STK39: variants seen among roughly 807,000 people sequenced by gnomAD.
STK39 encodes the protein STE20/SPS1-related proline-alanine-rich protein kinase.
In STK39, 20 loss-of-function variants were observed where a neutral mutation model predicts 77.8. The observed-to-expected ratio is 0.26, with a 90% CI of 0.18 to 0.37. STK39 has a LOEUF of 0.37. Among genes scored for constraint, STK39 ranks in the 10% least tolerant of loss-of-function variants. The pLI is 1.00. For synonymous variants in STK39, 246 were observed against 234.1 expected (o/e 1.05, Z -0.47); for missense variants, 479 against 656.5 (o/e 0.73, Z 2.95).
chr2:168,154,027 C>G (rs1688361633), intron 5 of STK39, among the ~76,000 whole-genome samples: 1 of 152,150 alleles, frequency 6.6e-6, no homozygotes, highest in South Asian at 2.1e-4. Context: ...TTTTAGGAGA[C>G]CACCATAATA....
At chr2:168,209,456 C>CT (rs1689827462) in intron 1 of STK39, among the ~76,000 whole-genome samples, 1 of 151,898 alleles carries the variant, frequency 6.6e-6, no homozygotes, top group Admixed American at 6.6e-5. Context: ...GTGGGCAGAT[C>CT]CCCTGAGGTC....
At chr2:167,966,221 C>T (rs1470521349) in intron 16 of STK39, among the ~76,000 whole-genome samples, 1 of 152,176 alleles carries the variant, frequency 6.6e-6, no homozygotes, top group Admixed American at 6.5e-5. Flanking sequence ...GGCCTTTCAA[C>T]AGTTTTCTGA....
chr2:168,179,008 C>T (rs1208580080), intron 2 of STK39, among the ~76,000 whole-genome samples: 1 of 152,116 alleles, frequency 6.6e-6, no homozygotes, highest in Non-Finnish European at 1.5e-5. Context: ...GGAGGTGTTA[C>T]AGTTTCATCA....
chr2:168,087,699 G>C (rs1048317924), intron 10 of STK39, among the ~76,000 whole-genome samples: 2 of 152,168 alleles, frequency 1.3e-5, no homozygotes, highest in African/African-American at 4.8e-5. Flanking sequence ...TACTGGTTCT[G>C]TTTCTCCTGT....
chr2:168,069,672 C>T (rs988797483), intron 12 of STK39, among the ~76,000 whole-genome samples: 6 of 152,226 alleles, frequency 3.9e-5, no homozygotes, highest in Non-Finnish European at 8.8e-5. Context: ...GGGATTTGTG[C>T]AGTTTTCCTA....
At chr2:168,152,956 T>C (rs1311997118) in intron 5 of STK39, among the ~76,000 whole-genome samples, 2 of 152,240 alleles carry the variant, frequency 1.3e-5, no homozygotes, top group East Asian at 1.9e-4. Flanking sequence ...ATAGCCCATC[T>C]GTACATGTTA....
intron 1 of STK39, among the ~76,000 whole-genome samples, chr2:168,242,935 C>T (rs997575169): frequency 3.3e-5 from 5 of 150,084 alleles, no homozygotes; most frequent in South Asian, 4.2e-4. Flanking sequence ...TTTCTATATA[C>T]ATTTTTCTAT....
intron 5 of STK39, among the ~76,000 whole-genome samples, chr2:168,154,820 A>C (rs1195433152): frequency 1.3e-5 from 2 of 152,200 alleles, no homozygotes; most frequent in African/African-American, 4.8e-5. Context: ...ACCACTGAGG[A>C]TACACTGAAA....
chr2:168,044,561 T>C (rs748074290), intron 14 of STK39, among the ~76,000 whole-genome samples: 1 of 152,150 alleles, frequency 6.6e-6, no homozygotes, highest in Admixed American at 6.5e-5. Flanking sequence ...CCTCTAATAA[T>C]TATCTAAGAA....
chr2:168,138,317 A>T (rs1687890176), intron 7 of STK39, 96 bp from the exon 8 acceptor site: 1 of 1,454,774 alleles, frequency 6.9e-7, no homozygotes, highest in Non-Finnish European at 9.1e-7. Flanking sequence ...ACCATCCTTG[A>T]TTAGATACAA....
chr2:168,189,780 G>C (rs1208475172), intron 1 of STK39, among the ~76,000 whole-genome samples: 1 of 152,130 alleles, frequency 6.6e-6, no homozygotes, highest in African/African-American at 2.4e-5. Context: ...TTAGTCTCAA[G>C]AGCACTTACT....
intron 1 of STK39, among the ~76,000 whole-genome samples, chr2:168,209,568 TA>T (rs1429835491): frequency 2.0e-5 from 3 of 152,028 alleles, no homozygotes; most frequent in African/African-American, 7.2e-5. Context: ...CCCAGCTACT[TA>T]CTCGGTTGGC....
At chr2:168,182,224 T>C (rs1689098538) in intron 1 of STK39, 134 bp from the exon 2 acceptor site, 2 of 631,036 alleles carry the variant, frequency 3.2e-6, no homozygotes, top group Non-Finnish European at 2.7e-6. Flanking sequence ...TTTGACATCT[T>C]TTTTTTAAAG....
chr2:168,051,401 A>C (rs1471938021), intron 14 of STK39, among the ~76,000 whole-genome samples: 1 of 152,208 alleles, frequency 6.6e-6, no homozygotes, highest in African/African-American at 2.4e-5. Context: ...GCCACCAAAA[A>C]AAAGCTGTTT....
At chr2:168,217,846 T>A (rs960227495) in intron 1 of STK39, among the ~76,000 whole-genome samples, 3 of 152,186 alleles carry the variant, frequency 2.0e-5, no homozygotes, top group African/African-American at 7.2e-5. Context: ...GCCATGGACA[T>A]GGAGGACTGA....
chr2:168,052,172 G>A (rs1356865994), intron 14 of STK39, among the ~76,000 whole-genome samples: 1 of 152,024 alleles, frequency 6.6e-6, no homozygotes, highest in African/African-American at 2.4e-5. Context: ...TGGAGGGCAG[G>A]GAATGCTCGC....
chr2:168,192,309 G>A (rs1224950558), intron 1 of STK39, among the ~76,000 whole-genome samples: 1 of 152,072 alleles, frequency 6.6e-6, no homozygotes, highest in Non-Finnish European at 1.5e-5. Flanking sequence ...TCTATCTGGA[G>A]CTTAGAGGAA....
intron 1 of STK39, among the ~76,000 whole-genome samples, chr2:168,227,252 T>C (rs1160141477): frequency 6.6e-6 from 1 of 152,220 alleles, no homozygotes; most frequent in African/African-American, 2.4e-5. Context: ...ACAGGCCATC[T>C]CTGGGCAATG....
intron 16 of STK39, among the ~76,000 whole-genome samples, chr2:167,997,221 G>A (rs1012081394): frequency 6.6e-6 from 1 of 151,900 alleles, no homozygotes; most frequent in Admixed American, 6.6e-5. Context: ...TAGGACAACA[G>A]TGGTTCAGTC....
Sources: allele counts gnomAD v4.1 joint callset (sites outside exome capture counted in the v4.1 genomes callset), GRCh38; gene constraint gnomAD v4.1.1; transcripts MANE v1.5; gene names NCBI Gene and HGNC (gene_info 2026-07-23, HGNC 2026-07-21).